The following QSOX1 variants were observed in gnomAD, a reference collection of about 807,000 sequenced individuals.
The protein encoded by QSOX1 is quiescin sulfhydryl oxidase 1.
In QSOX1, 40 loss-of-function variants were observed where a neutral mutation model predicts 76.1. The observed-to-expected ratio is 0.53, with a 90% CI of 0.41 to 0.68. The LOEUF (loss-of-function observed/expected upper bound fraction) is 0.68, where lower values mean the gene tolerates loss of function less well. QSOX1 is among the 30% of genes least tolerant of loss of function. QSOX1 has a pLI of 0.00. For synonymous variants in QSOX1, 392 were observed against 413.1 expected (o/e 0.95, Z 0.62); for missense variants, 931 against 974.3 (o/e 0.96, Z 0.59).
chr1:180,202,847 G>C lies in QSOX1; in HGVS notation c.*5810G>C, dbSNP rs935569167. The C allele has an allele frequency of 2.6e-5, 4 of 152,174 alleles. No individual in the cohort carries two copies. Among genetic ancestry groups the C allele is most frequent in the Non-Finnish European group, 5.9e-5 (4 of 68,054 alleles). 9.4% of individuals were successfully genotyped at this position (152,174 alleles called of 1,614,324 possible). On this transcript the variant is annotated 3_prime_UTR_variant, in exon 12 of 12. Coordinates refer to ENST00000367602, the MANE Select transcript of QSOX1 (RefSeq NM_002826.5). ...TAATCCTAGCACTTTGGGAGGCCGAGGTGGGTGGATCACGAGGTCAGGAGT... is the reference window on the plus strand; with the variant it reads ...TAATCCTAGCACTTTGGGAGGCCGACGTGGGTGGATCACGAGGTCAGGAGT...
chr1:180,197,229 G>T lies in QSOX1; in HGVS notation c.*192G>T. 1 of 1,586,296 alleles carries T rather than the reference G, an allele frequency of 6.3e-7. No individual in the cohort carries two copies. Among genetic ancestry groups the T allele is most frequent in the South Asian group, 1.1e-5 (1 of 88,412 alleles). ...AGAGCTCCTTTGACACAAAAGACAG[G>T]AGCAGGGTCCAGGTTCCCCTGCTGT... On this transcript the variant is annotated 3_prime_UTR_variant, in exon 12 of 12. Coordinates refer to ENST00000367602, the MANE Select transcript of QSOX1 (RefSeq NM_002826.5).
intron 1 of QSOX1, 86 bp downstream of exon 1, chr1:180,155,258 C>T (rs1572034636): frequency 1.6e-6 from 2 of 1,254,234 alleles, no homozygotes; most frequent in South Asian, 3.3e-5. Flanking sequence ...ACTCCGGGAG[C>T]GCGTCCCTCT....
rs891457785 is a variant in QSOX1 at position 180,198,323 on chromosome 1, C to A, written c.*1286C>A. The A allele has an allele frequency of 1.8e-5, 8 of 456,582 alleles. No homozygotes were observed. Among genetic ancestry groups the A allele is most frequent in the African/African-American group, 4.0e-5 (2 of 50,066 alleles). The allele number at this position is 456,582 out of a possible 1,614,324, so 28.3% of individuals were successfully genotyped here. A position where few individuals can be genotyped will look rare whatever the true frequency, so the allele number is the denominator to read the frequency against. ...GAGGGAGAAGCCTGTCTGCACCTGC[C>A]TAATTCCAGCTCCTCCAGGAAGCAA... On this transcript the variant is annotated 3_prime_UTR_variant, in exon 12 of 12. Transcript: ENST00000367602.
chr1:180,171,732 G>C (rs1662764610), intron 2 of QSOX1, among the ~76,000 whole-genome samples: 1 of 152,198 alleles, frequency 6.6e-6, no homozygotes, highest in South Asian at 2.1e-4. Context: ...TAGGAGATGG[G>C]GGTGGACAGT....
chr1:180,155,411 G>A (rs1294526137), intron 1 of QSOX1, among the ~76,000 whole-genome samples: 4 of 152,120 alleles, frequency 2.6e-5, no homozygotes, highest in Non-Finnish European at 5.9e-5. Flanking sequence ...CCGCGGCCTG[G>A]GCCCCCAGAC....
In QSOX1 at chr1:180,196,424, T is replaced by G. The variant is rs1663489196; in HGVS notation, c.1631T>G (p.Phe544Cys). The G allele has an allele frequency of 1.2e-6, 2 of 1,614,134 alleles. No homozygotes were observed. The highest frequency in any genetic ancestry group is 1.7e-6 in the Non-Finnish European group (2 of 1,180,014). The part of the protein sequence containing the change: ...HFSPSNIILD[F>C]PAAGSAARRD... ...TCCCCAAGCAACATCATCCTGGACT[T>G]CCCTGCAGCTGGGTCAGCTGCCCGG... Residue 544 changes from phenylalanine to cysteine, a missense_variant, in exon 12 of 12, where the codon TTC becomes TGC. Transcript: ENST00000367602. The surrounding 1 kb of genome is among the most constrained non-coding windows in gnomAD (Gnocchi z 4.1).
At chr1:180,155,259 G>A (rs1662349665) in intron 1 of QSOX1, 87 bp downstream of exon 1, 1 of 1,254,216 alleles carries the variant, frequency 8.0e-7, no homozygotes, top group Non-Finnish European at 1.0e-6. Flanking sequence ...CTCCGGGAGC[G>A]CGTCCCTCTT....
chr1:180,178,717 C>CA, intron 4 of QSOX1, 77 bp from the exon 5 acceptor site: 1 of 1,326,254 alleles, frequency 7.5e-7, no homozygotes, highest in Non-Finnish European at 1.1e-6. Context: ...ACTGCATCAC[C>CA]AGCGTCTGGC....
intron 1 of QSOX1, among the ~76,000 whole-genome samples, chr1:180,157,662 G>A (rs1030134956): frequency 5.3e-5 from 8 of 152,162 alleles, no homozygotes; most frequent in Non-Finnish European, 1.0e-4. Context: ...CTGCCCCGGG[G>A]CAGAGCATGT....
intron 11 of QSOX1, among the ~76,000 whole-genome samples, chr1:180,195,999 G>C (rs1405535396): frequency 1.3e-5 from 2 of 152,202 alleles, no homozygotes; most frequent in Admixed American, 1.3e-4. Flanking sequence ...CTGAGATGGC[G>C]CTCTTCACGC....
chr1:180,168,928 G>A (rs1482821559), intron 2 of QSOX1, among the ~76,000 whole-genome samples: 2 of 152,220 alleles, frequency 1.3e-5, no homozygotes. Context: ...GCTGAAAAGC[G>A]AGGGCCCATG....
At position 180,183,972 on chromosome 1, in the gene QSOX1, C is replaced by A. The variant is rs1361521098; in HGVS notation, c.809C>A (p.Thr270Asn). 2 of 1,613,874 alleles carry A rather than the reference C, an allele frequency of 1.2e-6. No individual in the cohort carries two copies. The highest frequency in any genetic ancestry group is 1.7e-6 in the Non-Finnish European group (2 of 1,179,748). ...TACCTGCAGAGACTCTCTGGGCTCA[C>A]CAGGGAGGCTGCCCAGACCACAGTT... ...TAYLQRLSGLTREAAQTTVAP... is the reference protein window; with the variant it reads ...TAYLQRLSGLNREAAQTTVAP... The change falls in exon 7 of 12, where the codon ACC (threonine) becomes AAC (asparagine). Residue 270 changes from threonine to asparagine, a missense_variant. Physicochemically the swap from Thr to Asn is moderately conservative, Grantham distance 65 (BLOSUM62 0). Coordinates refer to ENST00000367602, the MANE Select transcript of QSOX1 (RefSeq NM_002826.5).
rs745914514 is a variant in QSOX1, at chr1:180,190,402, A to G, written c.1141-31A>G. ...GCCTCTCCCATCCTTTTCCTTCTCC[A>G]TATGTGCACTCACACTCATGTGTCC... On this transcript the variant is annotated intron_variant, in intron 9 of 11. Transcript: ENST00000367602. The G allele has an allele frequency of 2.9e-5, 47 of 1,599,528 alleles. No individual in the cohort carries two copies. The South Asian group carries it at 4.7e-4, about 16-fold the overall frequency.
intron 10 of QSOX1, among the ~76,000 whole-genome samples, 175 bp downstream of exon 10, chr1:180,190,755 C>T (rs1663288320): frequency 6.6e-6 from 1 of 152,182 alleles, no homozygotes; most frequent in Non-Finnish European, 1.5e-5. Context: ...CAGGTAGCCC[C>T]ACACGGCCAG....
At chr1:180,171,838 G>A (rs986520591) in intron 2 of QSOX1, among the ~76,000 whole-genome samples, 12 of 152,206 alleles carry the variant, frequency 7.9e-5, no homozygotes, top group Admixed American at 2.6e-4. Flanking sequence ...GGGTGGCAAC[G>A]TGAAAGCAAC....
At chr1:180,169,768 C>T (rs1312394572) in intron 2 of QSOX1, among the ~76,000 whole-genome samples, 1 of 152,250 alleles carries the variant, frequency 6.6e-6, no homozygotes, top group Admixed American at 6.5e-5. Flanking sequence ...CCCAGCACCG[C>T]ACTCACCACT....
At chr1:180,187,174 C>T (rs1350467654) in intron 8 of QSOX1, among the ~76,000 whole-genome samples, 1 of 152,204 alleles carries the variant, frequency 6.6e-6, no homozygotes, top group Admixed American at 6.5e-5. Context: ...TGTCCTGGCC[C>T]CCTGGCTTGG....
intron 8 of QSOX1, among the ~76,000 whole-genome samples, chr1:180,188,215 C>T (rs936243947): frequency 6.6e-6 from 1 of 152,134 alleles, no homozygotes; most frequent in Admixed American, 6.5e-5. Context: ...CCTAAGGGTG[C>T]CAGTGGACAC....
chr1:180,189,710 T>C, intron 9 of QSOX1, 36 bp downstream of exon 9: 1 of 1,599,158 alleles, frequency 6.3e-7, no homozygotes, highest in Non-Finnish European at 8.5e-7. Context: ...CTCTCCATCC[T>C]CCGTATTTAT....
Sources: gnomAD v4.1 joint callset for allele counts (sites outside exome capture counted in the v4.1 genomes callset) on GRCh38, gnomAD v4.1.1 for gene constraint, Gnocchi (gnomAD v3.1) non-coding constraint, MANE v1.5 for transcripts, NCBI Gene and HGNC (gene_info 2026-07-23, HGNC 2026-07-21) for gene names.